The following MID1 variants were observed in gnomAD, a reference collection of about 807,000 sequenced individuals.
The protein encoded by MID1 is E3 ubiquitin-protein ligase Midline-1.
Under a neutral mutation model 40.4 loss-of-function variants are expected in MID1, and 7 were observed. The observed-to-expected ratio is 0.17, with a 90% CI of 0.10 to 0.33. MID1 has a LOEUF of 0.33. Among genes scored for constraint, MID1 ranks in the 10% least tolerant of loss-of-function variants. The probability of loss-of-function intolerance (pLI) is 1.00; values close to 1 mark genes in which losing one functional copy is unlikely to be tolerated. For missense variants in MID1, 367 were observed against 558.5 expected (o/e 0.66, Z 3.46); for synonymous variants, 229 against 221.2 (o/e 1.04, Z -0.31).
At chrX:10,461,863 G>T (rs1035180690) in intron 7 of MID1, among the ~76,000 whole-genome samples, 5 of 111,736 alleles carry the variant, frequency 4.5e-5, no homozygotes, top group African/African-American at 6.5e-5. Context: ...TGACTATTGT[G>T]GTCAAAGAAA....
chrX:10,777,258 G>A (rs186668416), intron 1 of MID1, among the ~76,000 whole-genome samples: 76 of 51,853 alleles, frequency 1.5e-3, no homozygotes, highest in African/African-American at 5.7e-3. Context: ...GAGTGCAGTG[G>A]CACTATTGTG....
rs376788108 is a variant in MID1, at chrX:10,816,321, C to T, written c.-187+17233G>A. Reference sequence around the variant, plus strand: ...ATTCAGCAGATTGTAACTTTCTTCACGCATTCACTGTTTGTTTCTAATGAA... The same window carrying T: ...ATTCAGCAGATTGTAACTTTCTTCATGCATTCACTGTTTGTTTCTAATGAA... On this transcript the variant is annotated intron_variant, in intron 1 of 10. Transcript: ENST00000380785. Among the ~76,000 whole-genome samples, 7 of 112,062 alleles carry T rather than the reference C, an allele frequency of 6.2e-5. No individual in the cohort carries two copies. The South Asian group carries it at 1.5e-3, about 24-fold the overall frequency.
At chrX:10,512,533 A>T (rs749388516) in intron 3 of MID1, among the ~76,000 whole-genome samples, 1 of 112,799 alleles carries the variant, frequency 8.9e-6, no homozygotes, top group African/African-American at 3.2e-5. Context: ...GGTCATGGTC[A>T]TAACTGCTTG....
At chrX:10,818,684 C>T (rs774240803) in intron 1 of MID1, among the ~76,000 whole-genome samples, 34 of 112,022 alleles carry the variant, frequency 3.0e-4, no homozygotes, top group Non-Finnish European at 5.3e-4. Context: ...CCATGGTTCA[C>T]AGGTTTATCA....
chrX:10,562,930 G>A (rs1934399644), intron 2 of MID1, among the ~76,000 whole-genome samples: 1 of 102,657 alleles, frequency 9.7e-6, no homozygotes, highest in Non-Finnish European at 1.9e-5. Context: ...GTATGTGTGT[G>A]CATCACACAC....
intron 1 of MID1, among the ~76,000 whole-genome samples, chrX:10,594,118 G>A (rs1352287012): frequency 1.8e-5 from 2 of 111,326 alleles, no homozygotes; most frequent in African/African-American, 6.6e-5. Context: ...AAATAGGACT[G>A]TATTGTAAGG....
At chrX:10,704,375 A>G (rs1190220499) in intron 1 of MID1, among the ~76,000 whole-genome samples, 1 of 110,825 alleles carries the variant, frequency 9.0e-6, no homozygotes, top group African/African-American at 3.3e-5. Context: ...AAGAGAGCTC[A>G]GGGACTACTG....
intron 6 of MID1, among the ~76,000 whole-genome samples, chrX:10,470,530 C>T (rs1929647037): frequency 8.9e-6 from 1 of 112,161 alleles, no homozygotes; most frequent in Non-Finnish European, 1.9e-5. Context: ...GTTTCGATGA[C>T]TTACATAAAA....
At chrX:10,668,849 T>A (rs2042966843) in intron 1 of MID1, among the ~76,000 whole-genome samples, 1 of 112,620 alleles carries the variant, frequency 8.9e-6, no homozygotes, top group South Asian at 3.6e-4. Context: ...TCTTTGCAGA[T>A]CTTATCAGCA....
At chrX:10,799,588 G>C (rs944618409) in intron 1 of MID1, among the ~76,000 whole-genome samples, 2 of 111,977 alleles carry the variant, frequency 1.8e-5, no homozygotes, top group African/African-American at 6.5e-5. Context: ...TGTGGTTCTG[G>C]TGTGATATTA....
At chrX:10,571,125 T>C (rs1481081747) in intron 1 of MID1, among the ~76,000 whole-genome samples, 3 of 112,405 alleles carry the variant, frequency 2.7e-5, no homozygotes, top group Non-Finnish European at 5.6e-5. Context: ...CAAAACTAGA[T>C]ATTTTCTTTT....
chrX:10,497,469 A>G (rs1931315156), intron 3 of MID1, among the ~76,000 whole-genome samples: 1 of 111,587 alleles, frequency 9.0e-6, no homozygotes, highest in Non-Finnish European at 1.9e-5. Flanking sequence ...GCCCCAGAGG[A>G]TGTCTGATCA....
At chrX:10,829,138 C>T (rs1005444414) in intron 1 of MID1, among the ~76,000 whole-genome samples, 11 of 112,112 alleles carry the variant, frequency 9.8e-5, no homozygotes, top group African/African-American at 2.3e-4. Flanking sequence ...CAAGGCAATA[C>T]ATGATGAGTG....
chrX:10,830,164 G>A (rs144096202), intron 1 of MID1, among the ~76,000 whole-genome samples: 1,794 of 112,335 alleles, frequency 0.016, 34 homozygotes, highest in Admixed American at 0.077. Flanking sequence ...GTCAGTGAAA[G>A]CATGAATATC....
chrX:10,506,196 T>C (rs1931821712), intron 3 of MID1: 1 of 952,645 alleles, frequency 1.0e-6, no homozygotes, highest in East Asian at 4.2e-5. Context: ...TCAAACACAA[T>C]GAAAGAGACT....
chrX:10,653,725 T>C (rs1251657243), intron 1 of MID1, among the ~76,000 whole-genome samples: 1 of 113,290 alleles, frequency 8.8e-6, no homozygotes, highest in African/African-American at 3.2e-5. Flanking sequence ...ATTTTGTTGA[T>C]GGAGGTTAAA....
chrX:10,727,361 C>G (rs1018971969), intron 1 of MID1, among the ~76,000 whole-genome samples: 5 of 112,561 alleles, frequency 4.4e-5, no homozygotes, highest in African/African-American at 1.6e-4. Context: ...TCAGGTGATC[C>G]TCCCGCCTCA....
At chrX:10,791,632 C>G (rs773741852) in intron 1 of MID1, among the ~76,000 whole-genome samples, 21 of 111,420 alleles carry the variant, frequency 1.9e-4, no homozygotes, top group Admixed American at 4.8e-4. Flanking sequence ...CATGTGGGTC[C>G]TGATCATAAC....
At chrX:10,665,295 C>T (rs768866379) in intron 1 of MID1, among the ~76,000 whole-genome samples, 4 of 111,944 alleles carry the variant, frequency 3.6e-5, no homozygotes, top group Non-Finnish European at 7.5e-5. Context: ...AGCCTCTAGA[C>T]AGAGATTGAT....
Sources: gnomAD v4.1 joint callset for allele counts (sites outside exome capture counted in the v4.1 genomes callset) on GRCh38, gnomAD v4.1.1 for gene constraint, MANE v1.5 for transcripts, NCBI Gene and HGNC (gene_info 2026-07-23, HGNC 2026-07-21) for gene names.